TMPRSS4: variants seen among roughly 807,000 people sequenced by gnomAD.
TMPRSS4 encodes the protein transmembrane protease serine 4.
Under a neutral mutation model 56.4 loss-of-function variants are expected in TMPRSS4, and 45 were observed. The observed-to-expected ratio is 0.80, with a 90% CI of 0.63 to 1.02. The LOEUF is 1.02. TMPRSS4 is among the 50% of genes least tolerant of loss of function. TMPRSS4 has a pLI of 0.00. For synonymous variants in TMPRSS4, 205 were observed against 211.0 expected (o/e 0.97, Z 0.25); for missense variants, 546 against 556.7 (o/e 0.98, Z 0.19).
intron 3 of TMPRSS4, among the ~76,000 whole-genome samples, chr11:118,101,849 G>T (rs1420334570): frequency 1.3e-5 from 2 of 152,112 alleles, no homozygotes; most frequent in African/African-American, 2.4e-5. Flanking sequence ...ATCCCAAAAT[G>T]GCAAAAGAGC....
At chr11:118,091,365 T>C (rs1305362763) in intron 1 of TMPRSS4, among the ~76,000 whole-genome samples, 1 of 152,156 alleles carries the variant, frequency 6.6e-6, no homozygotes, top group Non-Finnish European at 1.5e-5. Context: ...AGCAAGATCC[T>C]CCGTAACCAT....
rs940487099 is a variant in TMPRSS4 at position 118,077,148 on chromosome 11, G to T, written c.-155G>T. On this transcript the variant is annotated 5_prime_UTR_variant, in exon 1 of 13. Coordinates refer to ENST00000437212, the MANE Select transcript of TMPRSS4 (RefSeq NM_019894.4). The stretch of plus-strand genomic sequence containing the variant: ...AGGATGCTGGGCGTGAGGGACCAAG[G>T]CCTGCCCTGCACTCGGGCCTCCTCC... 1.3e-5 allele frequency: 10 copies of T among 798,046 alleles called. No individual in the cohort carries two copies. Among genetic ancestry groups the T allele is most frequent in the East Asian group, 9.0e-5 (3 of 33,278 alleles). 49.4% of individuals were successfully genotyped at this position (798,046 alleles called of 1,614,324 possible).
intron 1 of TMPRSS4, among the ~76,000 whole-genome samples, chr11:118,086,361 G>A (rs921170075): frequency 1.3e-4 from 20 of 152,224 alleles, no homozygotes; most frequent in African/African-American, 3.9e-4. Flanking sequence ...TGAGGTGCTC[G>A]GCTCAAATTG....
chr11:118,099,158 AC>A (rs1776697830), intron 3 of TMPRSS4, 60 bp downstream of exon 3: 2 of 1,215,592 alleles, frequency 1.6e-6, no homozygotes, highest in South Asian at 2.6e-5. Context: ...CCCAACCCCC[AC>A]CCCCGCACTC....
chr11:118,096,955 GA>G (rs1308686245), intron 2 of TMPRSS4, among the ~76,000 whole-genome samples: 1 of 65,822 alleles, frequency 1.5e-5, no homozygotes, highest in Non-Finnish European at 3.4e-5. Flanking sequence ...AGAAAGGAAG[GA>G]AAGAAAGAAA....
chr11:118,108,568 G>C (rs748022689), intron 6 of TMPRSS4: 4 of 462,474 alleles, frequency 8.6e-6, no homozygotes, highest in Non-Finnish European at 1.1e-5. Flanking sequence ...TCCGGGCTCT[G>C]TCCTCTTCCC....
In TMPRSS4 at chr11:118,119,169, C is replaced by T. The variant is rs1947704569; in HGVS notation, c.*1256C>T. 3.0e-6 allele frequency: 3 copies of T among 985,382 alleles called. No homozygotes were observed. Among genetic ancestry groups the T allele is most frequent in the Non-Finnish European group, 3.6e-6 (3 of 829,940 alleles). 61.0% of individuals were successfully genotyped at this position (985,382 alleles called of 1,614,324 possible). A position where few individuals can be genotyped will look rare whatever the true frequency, so the allele number is the denominator to read the frequency against. ...GAAAACAAAACAAAATAAAACAAAA[C>T]CATCAGAACTGTGAGTGGAAACTAA... On this transcript the variant is annotated 3_prime_UTR_variant, in exon 13 of 13. Coordinates refer to ENST00000437212, the MANE Select transcript of TMPRSS4 (RefSeq NM_019894.4).
chr11:118,100,249 G>A (rs1946667933), intron 3 of TMPRSS4, among the ~76,000 whole-genome samples: 1 of 152,268 alleles, frequency 6.6e-6, no homozygotes, highest in Non-Finnish European at 1.5e-5. Flanking sequence ...TTTTGCAAAA[G>A]AGTGTGTCAT....
Position 118,118,145 on chromosome 11 carries a change from A to G in TMPRSS4, c.*232A>G. The stretch of plus-strand genomic sequence containing the variant: ...CTCGGCCACACTTGGTGCTCCCAGC[A>G]TCCCAGGGAGAGACACAGCCCACTG... On this transcript the variant is annotated 3_prime_UTR_variant, in exon 13 of 13. Transcript: ENST00000437212. The G allele has an allele frequency of 7.0e-7, 1 of 1,420,474 alleles. No homozygotes were observed. The highest frequency in any genetic ancestry group is 9.2e-7 in the Non-Finnish European group (1 of 1,091,780). The allele number at this position is 1,420,474 out of a possible 1,614,324, so 88.0% of individuals were successfully genotyped here.
At chr11:118,114,136 A>T (rs1173959780) in intron 9 of TMPRSS4, among the ~76,000 whole-genome samples, 1 of 152,188 alleles carries the variant, frequency 6.6e-6, no homozygotes, top group South Asian at 2.1e-4. Context: ...TCCTTTTTTC[A>T]TGCTACTTCT....
intron 11 of TMPRSS4, among the ~76,000 whole-genome samples, chr11:118,117,031 A>G (rs640888): frequency 0.7 from 105,751 of 152,044 alleles, 37,630 homozygotes; most frequent in South Asian, 0.83. Flanking sequence ...CTTTTTTAAG[A>G]CATCACTCAG....
intron 1 of TMPRSS4, among the ~76,000 whole-genome samples, chr11:118,083,256 A>C (rs754674419): frequency 1.2e-4 from 18 of 152,178 alleles, no homozygotes; most frequent in Admixed American, 4.6e-4. Flanking sequence ...TCCTCCTAGA[A>C]CTGTCTTTTG....
chr11:118,078,735 G>T (rs562345637), intron 1 of TMPRSS4, among the ~76,000 whole-genome samples: 1 of 152,250 alleles, frequency 6.6e-6, no homozygotes, highest in East Asian at 1.9e-4. Context: ...CATTTCTAGG[G>T]CAGGTCACTA....
At chr11:118,117,140 G>A (rs1489011344) in intron 11 of TMPRSS4, among the ~76,000 whole-genome samples, 165 bp from the exon 12 acceptor site, 1 of 152,226 alleles carries the variant, frequency 6.6e-6, no homozygotes, top group South Asian at 2.1e-4. Flanking sequence ...TGCCCCAGAA[G>A]AGAAGACCAT....
chr11:118,104,439 A>G (rs574097411), intron 4 of TMPRSS4, among the ~76,000 whole-genome samples: 1 of 152,188 alleles, frequency 6.6e-6, no homozygotes, highest in Non-Finnish European at 1.5e-5. Context: ...GGCACTATTA[A>G]CCATTGGGTC....
At position 118,118,191 on chromosome 11, in the gene TMPRSS4, GC is replaced by G; in HGVS notation, c.*279del. ...CACTGAACAAGGTCTCAGGGGTATT[GC>G]TAAGCCAAGAAGGAACTTTCCCACA... On this transcript the variant is annotated 3_prime_UTR_variant, in exon 13 of 13. Transcript: ENST00000437212. 1 of 1,362,436 alleles carries G rather than the reference GC, an allele frequency of 7.3e-7. No individual in the cohort carries two copies. The highest frequency in any genetic ancestry group is 9.4e-7 in the Non-Finnish European group (1 of 1,059,532). The allele number at this position is 1,362,436 out of a possible 1,614,324, so 84.4% of individuals were successfully genotyped here. A position where few individuals can be genotyped will look rare whatever the true frequency, so the allele number is the denominator to read the frequency against.
chr11:118,107,488 T>A lies in TMPRSS4; in HGVS notation c.441-286T>A, dbSNP rs992751801. On this transcript the variant is annotated intron_variant, in intron 5 of 12. Coordinates refer to ENST00000437212, the MANE Select transcript of TMPRSS4 (RefSeq NM_019894.4). Reference sequence around the variant, plus strand: ...GCTGGGAATATGGAAAGGAGACCCCTAACATTTCTCCAGGGCTCTGGGTTC... The same window carrying A: ...GCTGGGAATATGGAAAGGAGACCCCAAACATTTCTCCAGGGCTCTGGGTTC... 3.4e-5 allele frequency: 10 copies of A among 290,218 alleles called. No individual in the cohort carries two copies. The South Asian group carries it at 8.3e-4, about 24-fold the overall frequency. The allele number at this position is 290,218 out of a possible 1,614,324, so 18.0% of individuals were successfully genotyped here.
downstream of TMPRSS4, among the ~76,000 whole-genome samples, chr11:118,123,371 T>C (rs1042563344): frequency 6.6e-6 from 1 of 152,144 alleles, no homozygotes; most frequent in Non-Finnish European, 1.5e-5. Context: ...TAATTTCCAG[T>C]GTACAGGAAA....
intron 2 of TMPRSS4, among the ~76,000 whole-genome samples, chr11:118,097,312 A>AG (rs1236203033): frequency 6.6e-6 from 1 of 152,096 alleles, no homozygotes; most frequent in Non-Finnish European, 1.5e-5. Flanking sequence ...GTGCTTTGGA[A>AG]GAAAAAAAAA....
Sources: gnomAD v4.1 joint callset for allele counts (sites outside exome capture counted in the v4.1 genomes callset) on GRCh38, gnomAD v4.1.1 for gene constraint, MANE v1.5 for transcripts, NCBI Gene and HGNC (gene_info 2026-07-23, HGNC 2026-07-21) for gene names.